The following PDGFC variants were observed in gnomAD, a reference collection of about 807,000 sequenced individuals.
PDGFC encodes the protein platelet derived growth factor C.
A neutral mutation model predicts 35.5 loss-of-function variants in PDGFC; 12 were observed. That is an observed-to-expected ratio of 0.34 (90% confidence interval 0.22 to 0.55). The LOEUF (loss-of-function observed/expected upper bound fraction) is 0.55. PDGFC is among the 20% of genes least tolerant of loss of function. PDGFC has a pLI of 0.91. For synonymous variants in PDGFC, 159 were observed against 148.8 expected (o/e 1.07, Z -0.50); for missense variants, 322 against 412.4 (o/e 0.78, Z 1.90).
chr4:156,929,570 TC>T (rs1731501184), intron 1 of PDGFC, among the ~76,000 whole-genome samples: 1 of 152,050 alleles, frequency 6.6e-6, no homozygotes, highest in African/African-American at 2.4e-5. Flanking sequence ...CTTACAGCCT[TC>T]CGGAATATAC....
intron 5 of PDGFC, 145 bp downstream of exon 5, chr4:156,767,622 AAAAAAC>A (rs1730574628): frequency 5.0e-6 from 3 of 602,394 alleles, no homozygotes; most frequent in Non-Finnish European, 8.8e-6. Context: ...TGCTAATTTT[AAAAAAC>A]AAAAACATAA....
chr4:156,936,322 G>A (rs76723106), intron 1 of PDGFC, among the ~76,000 whole-genome samples: 11,714 of 152,136 alleles, frequency 0.077, 1,463 homozygotes, highest in African/African-American at 0.26. Flanking sequence ...TGGGAGAAAT[G>A]GAAACTCTCA....
At chr4:156,841,269 G>A (rs945280636) in intron 2 of PDGFC, 4 of 152,196 alleles carry the variant, frequency 2.6e-5, no homozygotes, top group Non-Finnish European at 4.4e-5. Flanking sequence ...GGATCATGGG[G>A]GTGGTTGCCC....
At chr4:156,869,643 C>T (rs959347902) in intron 1 of PDGFC, among the ~76,000 whole-genome samples, 3 of 152,050 alleles carry the variant, frequency 2.0e-5, no homozygotes, top group Non-Finnish European at 4.4e-5. Context: ...TTGTGTACCA[C>T]TGGATATTGA....
intron 2 of PDGFC, 34 bp from the exon 3 acceptor site, chr4:156,811,051 C>A: frequency 7.1e-7 from 1 of 1,406,860 alleles, no homozygotes; most frequent in South Asian, 1.4e-5. Context: ...GACATCATTT[C>A]ATAATCTGTT....
chr4:156,792,032 A>G (rs1243322225), intron 3 of PDGFC, among the ~76,000 whole-genome samples: 1 of 152,208 alleles, frequency 6.6e-6, no homozygotes, highest in Non-Finnish European at 1.5e-5. Context: ...GATATTTAAA[A>G]AGCAATTTCA....
intron 1 of PDGFC, among the ~76,000 whole-genome samples, chr4:156,943,813 C>T (rs1420836042): frequency 6.6e-6 from 1 of 152,072 alleles, no homozygotes; most frequent in African/African-American, 2.4e-5. Context: ...AAGTCAAGAT[C>T]ATGTAACTAA....
chr4:156,787,217 A>T (rs1731152150), intron 3 of PDGFC, among the ~76,000 whole-genome samples: 1 of 152,184 alleles, frequency 6.6e-6, no homozygotes, highest in East Asian at 1.9e-4. Context: ...AGGAGGAACC[A>T]GTGAAGAGGA....
At chr4:156,767,181 C>T (rs1003572718) in intron 5 of PDGFC, among the ~76,000 whole-genome samples, 1 of 151,914 alleles carries the variant, frequency 6.6e-6, no homozygotes, top group African/African-American at 2.4e-5. Flanking sequence ...TCTAAGGTTT[C>T]CAGGGTTCTA....
chr4:156,835,136 C>T (rs1489526942), intron 2 of PDGFC, among the ~76,000 whole-genome samples: 1 of 152,078 alleles, frequency 6.6e-6, no homozygotes, highest in African/African-American at 2.4e-5. Flanking sequence ...TTTTCTTAAA[C>T]TGATTACAAA....
intron 1 of PDGFC, among the ~76,000 whole-genome samples, chr4:156,892,642 T>C (rs1157057014): frequency 1.3e-5 from 2 of 152,122 alleles, no homozygotes; most frequent in Non-Finnish European, 1.5e-5. Context: ...TATAAACATA[T>C]AATAAATTTA....
At chr4:156,831,041 C>A (rs1728920130) in intron 2 of PDGFC, among the ~76,000 whole-genome samples, 1 of 152,156 alleles carries the variant, frequency 6.6e-6, no homozygotes, top group Non-Finnish European at 1.5e-5. Flanking sequence ...ATCTAATAAT[C>A]TTTGTATCCC....
At chr4:156,837,989 G>C (rs1482105646) in intron 2 of PDGFC, among the ~76,000 whole-genome samples, 1 of 150,566 alleles carries the variant, frequency 6.6e-6, no homozygotes, top group Non-Finnish European at 1.5e-5. Flanking sequence ...TTTTTTTTAA[G>C]TTACAAAAGT....
At chr4:156,954,838 G>T (rs1424973012) in intron 1 of PDGFC, among the ~76,000 whole-genome samples, 1 of 151,996 alleles carries the variant, frequency 6.6e-6, no homozygotes, top group African/African-American at 2.4e-5. Context: ...ACCCATCAAT[G>T]ATGATTTATG....
intron 3 of PDGFC, among the ~76,000 whole-genome samples, chr4:156,797,557 G>C (rs984863524): frequency 2.0e-5 from 3 of 152,182 alleles, no homozygotes; most frequent in African/African-American, 7.2e-5. Context: ...GGAAGAAGAA[G>C]AACTTTCTTG....
chr4:156,795,594 T>C (rs1165281973), intron 3 of PDGFC, among the ~76,000 whole-genome samples: 2 of 152,214 alleles, frequency 1.3e-5, no homozygotes, highest in East Asian at 3.9e-4. Flanking sequence ...AGTTAACTAA[T>C]GGTCCAGCTA....
At chr4:156,836,702 T>G (rs1729071509) in intron 2 of PDGFC, among the ~76,000 whole-genome samples, 1 of 152,198 alleles carries the variant, frequency 6.6e-6, no homozygotes, top group African/African-American at 2.4e-5. Context: ...TACCTTCACA[T>G]GTGAATCAAA....
At chr4:156,784,472 T>G (rs1358603495) in intron 3 of PDGFC, among the ~76,000 whole-genome samples, 1 of 152,028 alleles carries the variant, frequency 6.6e-6, no homozygotes, top group Non-Finnish European at 1.5e-5. Flanking sequence ...TTCTGTGACC[T>G]TAGGAATAGA....
intron 1 of PDGFC, among the ~76,000 whole-genome samples, chr4:156,946,896 T>A (rs1178465860): frequency 6.6e-6 from 1 of 151,984 alleles, no homozygotes; most frequent in East Asian, 1.9e-4. Flanking sequence ...CATCACCCAG[T>A]TTACTTAGGA....
Sources: allele counts gnomAD v4.1 joint callset (sites outside exome capture counted in the v4.1 genomes callset), GRCh38; gene constraint gnomAD v4.1.1; transcripts MANE v1.5; gene names NCBI Gene and HGNC (gene_info 2026-07-23, HGNC 2026-07-21).